The following PNPLA7 variants were observed in gnomAD, a reference collection of about 807,000 sequenced individuals.
PNPLA7 encodes patatin-like phospholipase domain-containing protein 7.
A neutral mutation model predicts 161.7 loss-of-function variants in PNPLA7; 153 were observed. The observed-to-expected ratio is 0.95, with a 90% CI of 0.83 to 1.08. The LOEUF is 1.08. Among genes scored for constraint, PNPLA7 ranks in the 50% least tolerant of loss-of-function variants. The probability of loss-of-function intolerance (pLI) is 0.00; values close to 1 mark genes in which losing one functional copy is unlikely to be tolerated. For synonymous variants in PNPLA7, 809 were observed against 782.1 expected (o/e 1.03, Z -0.57); for missense variants, 1,739 against 1,856.6 (o/e 0.94, Z 1.16).
Position 137,543,529 on chromosome 9 carries a change from C to A in PNPLA7, c.409G>T (p.Glu137Ter). ...GCCTCCAGCAGGGAGGGCGGGGGCT[C>A]CTTGGGCTGCAGGGCCGGGTATTCC... Reference protein sequence around the residue: ...KKEYPALQPKEPPPSLLEADL... With the variant: ...KKEYPALQPK The change falls in exon 6 of 35, where the codon GAG (glutamate) becomes TAG (stop). Residue 137 changes from glutamate to a stop codon, truncating the protein, a stop_gained. Coordinates refer to ENST00000406427, the MANE Select transcript of PNPLA7 (RefSeq NM_001098537.3). LOFTEE classifies it high-confidence loss of function. This position sits in a 1 kb window ranked among gnomAD's most constrained non-coding sequence, Gnocchi z 6.9. The A allele has an allele frequency of 6.2e-7, 1 of 1,613,900 alleles. No individual in the cohort carries two copies. Among genetic ancestry groups the A allele is most frequent in the South Asian group, 1.1e-5 (1 of 91,074 alleles).
chr9:137,520,948 G>A lies in PNPLA7; in HGVS notation c.957+688C>T, dbSNP rs1055131098. ...TGGGGAGGGGCAGCCTCTGCTGGAC[G>A]CGGACGTAGGGACCCCACGGGACGG... On this transcript the variant is annotated intron_variant, in intron 10 of 34. Transcript: ENST00000406427. The surrounding 1 kb of genome is among the most constrained non-coding windows in gnomAD (Gnocchi z 5.2). Among the ~76,000 whole-genome samples, 26 of 133,206 alleles carry A rather than the reference G, an allele frequency of 2.0e-4. No homozygotes were observed. The highest frequency in any genetic ancestry group is 6.0e-4 in the African/African-American group (21 of 35,004). The allele number at this position is 133,206 out of a possible 152,430, so 87.4% of individuals were successfully genotyped here.
At chr9:137,472,797 A>C (rs1487308679) in intron 25 of PNPLA7, among the ~76,000 whole-genome samples, 1 of 151,924 alleles carries the variant, frequency 6.6e-6, no homozygotes, top group East Asian at 1.9e-4. Flanking sequence ...TCTACTAAAA[A>C]TACAAAAATT....
chr9:137,544,313 C>G (rs1176265613), intron 4 of PNPLA7, among the ~76,000 whole-genome samples: 1 of 152,206 alleles, frequency 6.6e-6, no homozygotes, highest in Non-Finnish European at 1.5e-5. Flanking sequence ...TGGGTCACAC[C>G]CTGCATGCTG....
rs1836574742 is a variant in PNPLA7 at position 137,547,142 on chromosome 9, C to T, written c.193+167G>A. Among the ~76,000 whole-genome samples the T allele has an allele frequency of 6.6e-6, 1 of 152,216 alleles. No homozygotes were observed. ...GAGAACAGAAAGGGCTCTGAACAGA[C>T]TTGGCTTCCTGGAACCGACGGGCTC... On this transcript the variant is annotated intron_variant, in intron 3 of 34. Coordinates refer to ENST00000406427, the MANE Select transcript of PNPLA7 (RefSeq NM_001098537.3). The surrounding 1 kb of genome is among the most constrained non-coding windows in gnomAD (Gnocchi z 4.6).
rs769987736 is a variant in PNPLA7, at chr9:137,463,460, C to T, written c.3298G>A (p.Asp1100Asn). ...GYMPPLCDPK[D>N]GHLLMDGGYI... The stretch of plus-strand genomic sequence containing the variant: ...CCCCCGTCCATCAGCAGGTGTCCGT[C>T]CTTCGGGTCACAGAGAGGGGGCATG... Residue 1100 changes from aspartate to asparagine, a missense_variant, in exon 29 of 35, where the codon GAC (aspartate) becomes AAC (asparagine). Asp to Asn is a conservative substitution (Grantham distance 23). Transcript: ENST00000406427. 13 of 1,598,418 alleles carry T rather than the reference C, an allele frequency of 8.1e-6. 1 individual carries two copies. In the South Asian group the frequency reaches 1.5e-4, roughly 18 times the overall value.
intron 25 of PNPLA7, among the ~76,000 whole-genome samples, chr9:137,477,483 C>G (rs558345854): frequency 5.1e-4 from 78 of 152,154 alleles, no homozygotes; most frequent in Middle Eastern, 3.4e-3. Context: ...CAGAGTCTCG[C>G]TCTGTCGCCA....
intron 25 of PNPLA7, among the ~76,000 whole-genome samples, chr9:137,471,122 A>G (rs1474714545): frequency 6.6e-6 from 1 of 152,264 alleles, no homozygotes; most frequent in East Asian, 1.9e-4. Flanking sequence ...CATATTGTAC[A>G]GGAAGAGAAA....
chr9:137,469,510 G>T (rs1831620339), intron 25 of PNPLA7, among the ~76,000 whole-genome samples: 1 of 152,114 alleles, frequency 6.6e-6, no homozygotes, highest in Admixed American at 6.6e-5. Flanking sequence ...CCCAAGGAAA[G>T]AAAAAACCTT....
rs1324108566 is a variant in PNPLA7, at chr9:137,497,223, C to G, written c.1977G>C (p.Leu659=). Residue 659 remains leucine, a synonymous_variant, in exon 18 of 35, where the codon CTG becomes CTC. Transcript: ENST00000406427. The part of the protein sequence containing the change: ...VIRKDDGKKR[L]AGEYGRGDLV... Reference sequence around the variant, plus strand: ...GGTCTCCTCGGCCGTACTCCCCGGCCAGGCGCTTCTTCCCATCATCCTTCC... The same window carrying G: ...GGTCTCCTCGGCCGTACTCCCCGGCGAGGCGCTTCTTCCCATCATCCTTCC... The G allele has an allele frequency of 1.3e-6, 2 of 1,589,376 alleles. No individual in the cohort carries two copies. The highest frequency in any genetic ancestry group is 1.4e-5 in the African/African-American group (1 of 73,856).
rs566118472 is a variant in PNPLA7, at chr9:137,462,535, G to A, written c.3492+150C>T. ...TCCGGCCTCGTGCCTTCCTTCGCCC[G>A]AGTTGGGCTCAGGCAGGGGTGGTGA... is the stretch of plus-strand genomic sequence containing the variant. On this transcript the variant is annotated intron_variant, in intron 30 of 34. Coordinates refer to ENST00000406427, the MANE Select transcript of PNPLA7 (RefSeq NM_001098537.3). 5.0e-6 allele frequency: 7 copies of A among 1,397,620 alleles called. No individual in the cohort carries two copies. The East Asian group carries it at 1.3e-4, about 25-fold the overall frequency. 86.6% of individuals were successfully genotyped at this position (1,397,620 alleles called of 1,614,324 possible). A position where few individuals can be genotyped will look rare whatever the true frequency, so the allele number is the denominator to read the frequency against.
intron 29 of PNPLA7, 151 bp downstream of exon 29, chr9:137,463,264 A>G: frequency 1.4e-6 from 1 of 710,908 alleles, no homozygotes. Context: ...CGGAGCTCTG[A>G]TGCCAGCCTG....
chr9:137,503,754 GAA>G (rs367926643), intron 14 of PNPLA7, among the ~76,000 whole-genome samples: 2 of 104,428 alleles, frequency 1.9e-5, no homozygotes, highest in Non-Finnish European at 3.7e-5. Flanking sequence ...GAAGAAGAAA[GAA>G]AAGAAAGAAA....
chr9:137,528,452 T>C (rs1835409600), intron 8 of PNPLA7, among the ~76,000 whole-genome samples: 1 of 151,606 alleles, frequency 6.6e-6, no homozygotes, highest in African/African-American at 2.4e-5. Flanking sequence ...CAGATAATTT[T>C]TGTATTTTTA....
chr9:137,464,130 G>T lies in PNPLA7; in HGVS notation c.3222C>A (p.Thr1074=), dbSNP rs201171368. Residue 1074 remains threonine, a synonymous_variant, in exon 28 of 35, where the codon ACC becomes ACA. Transcript: ENST00000406427. ...DITASAMRVH[T]DGSLWWYVRA... ...CTGCGCAGCAGGAGTGCTCACCGTC[G>T]GTGTGGACCCGCATGGCCGAGGCTG... The T allele has an allele frequency of 6.2e-7, 1 of 1,613,476 alleles. No individual in the cohort carries two copies. Among genetic ancestry groups the T allele is most frequent in the African/African-American group, 1.3e-5 (1 of 75,056 alleles).
rs139117069 is a variant in PNPLA7 at position 137,543,484 on chromosome 9, C to A, written c.454G>T (p.Val152Leu). 3 of 1,614,094 alleles carry A rather than the reference C, an allele frequency of 1.9e-6. No homozygotes were observed. Among genetic ancestry groups the A allele is most frequent in the Non-Finnish European group, 2.5e-6 (3 of 1,180,030 alleles). Residue 152 changes from valine to leucine, a missense_variant, in exon 6 of 35, where the codon GTG becomes TTG. By Grantham distance (32) the Val-to-Leu change is conservative (BLOSUM62 1). Coordinates refer to ENST00000406427, the MANE Select transcript of PNPLA7 (RefSeq NM_001098537.3). The surrounding 1 kb of genome is among the most constrained non-coding windows in gnomAD (Gnocchi z 6.9). Reference sequence around the variant, plus strand: ...TCCGATGGCAGGTGAGAATTCTTCACGTCAAACTCCGTGAGGTCGGCCTCC... The same window carrying A: ...TCCGATGGCAGGTGAGAATTCTTCAAGTCAAACTCCGTGAGGTCGGCCTCC... ...LLEADLTEFD[V>L]KNSHLPSEVL...
At chr9:137,544,364 C>T (rs569924925) in intron 4 of PNPLA7, among the ~76,000 whole-genome samples, 22 of 152,338 alleles carry the variant, frequency 1.4e-4, no homozygotes, top group Admixed American at 5.2e-4. Flanking sequence ...TGCTGCCCCT[C>T]GGTCCAGAGC....
In PNPLA7 at chr9:137,499,413, C is replaced by T. The variant is rs1833255980; in HGVS notation, c.1758-1168G>A. ...CTGCATTAAGGCTGAGGGCCCTGAG[C>T]TCTGCCCTGGGTGGTTCCTGTCCCT... On this transcript the variant is annotated intron_variant, in intron 16 of 34. Coordinates refer to ENST00000406427, the MANE Select transcript of PNPLA7 (RefSeq NM_001098537.3). The surrounding 1 kb of genome is among the most constrained non-coding windows in gnomAD (Gnocchi z 5.5). 6.6e-6 allele frequency among the ~76,000 whole-genome samples: 1 copy of T among 152,202 alleles called. No individual in the cohort carries two copies.
Position 137,506,014 on chromosome 9 carries a change from T to TC in PNPLA7, c.1294dup (p.Asp432GlyfsTer35). ...GGCCACGGAGCTCCCGGGGTGCTCG[T>TC]CCGAGTGCAGGAAGACCCTGGCACG... is the stretch of plus-strand genomic sequence containing the variant. On this transcript the variant is annotated frameshift_variant, in exon 13 of 35. Coordinates refer to ENST00000406427, the MANE Select transcript of PNPLA7 (RefSeq NM_001098537.3). LOFTEE classifies it high-confidence loss of function. 6.2e-7 allele frequency: 1 copy of TC among 1,612,718 alleles called. No individual in the cohort carries two copies.
intron 11 of PNPLA7, among the ~76,000 whole-genome samples, chr9:137,517,174 A>C (rs1253532220): frequency 3.3e-4 from 24 of 72,278 alleles, no homozygotes; most frequent in Admixed American, 1.0e-3. Context: ...TCCATCCCCC[A>C]CTCACTCACT....
Sources: allele counts gnomAD v4.1 joint callset (sites outside exome capture counted in the v4.1 genomes callset), GRCh38; gene constraint gnomAD v4.1.1; non-coding constraint Gnocchi (gnomAD v3.1); transcripts MANE v1.5; gene names NCBI Gene and HGNC (gene_info 2026-07-23, HGNC 2026-07-21).